Variants in CYP51A1 observed in about 807,000 individuals in gnomAD.
The protein encoded by CYP51A1 is cytochrome P450 family 51 subfamily A member 1, also known as lanosterol 14-alpha demethylase.
In CYP51A1, 45 loss-of-function variants were observed where a neutral mutation model predicts 53.5. The observed-to-expected ratio is 0.84, with a 90% confidence interval of 0.66 to 1.08. The LOEUF is 1.08. Ranked by LOEUF, CYP51A1 falls within the 50% of genes least tolerant of loss-of-function variation. CYP51A1 has a pLI of 0.00. For missense variants in CYP51A1, 462 were observed against 621.7 expected, an observed-to-expected ratio of 0.74 and a Z score of 2.73; for synonymous variants, 181 against 217.7, an observed-to-expected ratio of 0.83 and a Z score of 1.48.
At chr7:92,121,709 T>C (rs1340217421) in intron 7 of CYP51A1, among the ~76,000 whole-genome samples, 1 of 152,084 alleles carries the variant, frequency 6.6e-6, no homozygotes, top group Non-Finnish European at 1.5e-5. Context: ...TGAAACAAGG[T>C]AGTCACAAAA....
chr7:92,133,005 C>T (rs548705059), intron 1 of CYP51A1, among the ~76,000 whole-genome samples: 1 of 152,170 alleles, frequency 6.6e-6, no homozygotes, highest in South Asian at 2.1e-4. Context: ...TTTGTCTTCC[C>T]AGAGACAAAT....
At chr7:92,132,348 A>C (rs914679057) in intron 1 of CYP51A1, among the ~76,000 whole-genome samples, 1 of 152,240 alleles carries the variant, frequency 6.6e-6, no homozygotes, top group Non-Finnish European at 1.5e-5. Context: ...ACCTATGCAC[A>C]TCCTCTCATA....
chr7:92,120,375 G>A (rs1409340922), intron 7 of CYP51A1, among the ~76,000 whole-genome samples: 3 of 152,190 alleles, frequency 2.0e-5, no homozygotes, highest in Non-Finnish European at 4.4e-5. Context: ...CTACGTAATG[G>A]CATCAGACTA....
At chr7:92,134,515 C>A (rs538919838), upstream of CYP51A1, 5 of 747,012 alleles carry the variant, frequency 6.7e-6, no homozygotes, top group African/African-American at 3.6e-5. Context: ...CGCGCGCCAC[C>A]CCGTGCGTCA....
intron 5 of CYP51A1, among the ~76,000 whole-genome samples, chr7:92,124,935 AG>A (rs1819765513): frequency 6.6e-6 from 1 of 152,100 alleles, no homozygotes; most frequent in African/African-American, 2.4e-5. Flanking sequence ...CAAGGTCGGG[AG>A]ATCAAGACCA....
intron 1 of CYP51A1, among the ~76,000 whole-genome samples, 175 bp downstream of exon 1, chr7:92,133,998 G>A (rs1429812988): frequency 2.0e-5 from 3 of 151,626 alleles, no homozygotes; most frequent in Non-Finnish European, 2.9e-5. Context: ...CGCCGCCGCA[G>A]CCACTACTCC....
chr7:92,134,109 G>A, intron 1 of CYP51A1, 64 bp downstream of exon 1: 1 of 1,529,122 alleles, frequency 6.5e-7, no homozygotes, highest in Non-Finnish European at 9.0e-7. Flanking sequence ...AGCCGCCCAC[G>A]CCAGCCCTTC....
At chr7:92,134,531 T>C (rs1200650236), upstream of CYP51A1, 2 of 655,548 alleles carry the variant, frequency 3.1e-6, no homozygotes, top group South Asian at 2.0e-5. Context: ...CGTCACAGAA[T>C]GGGGCGGGAT....
chr7:92,117,248 TAAA>T, intron 8 of CYP51A1, 36 bp from the exon 9 acceptor site: 2 of 1,572,456 alleles, frequency 1.3e-6, no homozygotes, highest in East Asian at 4.5e-5. Flanking sequence ...TTAGAGAATT[TAAA>T]AATGTGCTGA....
intron 3 of CYP51A1, among the ~76,000 whole-genome samples, chr7:92,128,486 TTTTG>T (rs1232590181): frequency 1.4e-5 from 2 of 143,556 alleles, no homozygotes; most frequent in Admixed American, 6.8e-5. Context: ...GTGTTTGGTT[TTTTG>T]TTTCTGTTTT....
At chr7:92,125,012 C>A (rs962208311) in intron 5 of CYP51A1, among the ~76,000 whole-genome samples, 2 of 151,902 alleles carry the variant, frequency 1.3e-5, no homozygotes, top group Non-Finnish European at 2.9e-5. Flanking sequence ...GGCTTGGTGG[C>A]GGGTGCCTGT....
At chr7:92,128,825 G>T in intron 3 of CYP51A1, 55 bp downstream of exon 3, 1 of 1,398,918 alleles carries the variant, frequency 7.1e-7, no homozygotes, top group Non-Finnish European at 9.9e-7. Flanking sequence ...CTCACTATTA[G>T]CTATAACTAC....
intron 1 of CYP51A1, among the ~76,000 whole-genome samples, chr7:92,132,331 G>A (rs1280300075): frequency 6.6e-6 from 1 of 152,156 alleles, no homozygotes; most frequent in Admixed American, 6.5e-5. Flanking sequence ...CAAAGTATTT[G>A]CGTATAACCT....
intron 6 of CYP51A1, 120 bp downstream of exon 6, chr7:92,123,614 G>A: frequency 1.0e-6 from 1 of 972,074 alleles, no homozygotes; most frequent in Non-Finnish European, 1.5e-6. Flanking sequence ...AGAGTCCAAA[G>A]ATCACAGCTA....
chr7:92,128,428 C>CTCTGTGTGTGTGTGTGTG lies in CYP51A1; in HGVS notation c.468+451_468+452insCACACACACACACACAGA, dbSNP rs112952169. Among the ~76,000 whole-genome samples the CTCTGTGTGTGTGTGTGTG allele has an allele frequency of 7.5e-3, 1,080 of 143,092 alleles. 32 individuals carry two copies. Among genetic ancestry groups the CTCTGTGTGTGTGTGTGTG allele is most frequent in the African/African-American group, 0.026 (997 of 38,636 alleles). 93.9% of individuals were successfully genotyped at this position (143,092 alleles called of 152,430 possible). On this transcript the variant is annotated intron_variant, in intron 3 of 9. Transcript: ENST00000003100. ...TATTACATTTTTGTTTGGTTGGTTT[C>CTCTGTGTGTGTGTGTGTG]TGTGTGTGTGTGTGTGTGTGTGTGT...
Position 92,133,417 on chromosome 7 carries a change from G to A in CYP51A1, c.192+756C>T, listed in dbSNP as rs368037202. On this transcript the variant is annotated intron_variant, in intron 1 of 9. Coordinates refer to ENST00000003100, the MANE Select transcript of CYP51A1 (RefSeq NM_000786.4). ...CTACAGGCGTGTGCCACCACATCCA[G>A]CTAATTTTTGTTTTGTTTTGTTGTA... Among the ~76,000 whole-genome samples, 4 of 152,228 alleles carry A rather than the reference G, an allele frequency of 2.6e-5. 1 individual carries two copies.
intron 9 of CYP51A1, among the ~76,000 whole-genome samples, chr7:92,115,126 AAATG>A (rs1322587399): frequency 2.0e-5 from 3 of 152,236 alleles, no homozygotes; most frequent in Non-Finnish European, 2.9e-5. Flanking sequence ...AATATTATGA[AAATG>A]AATGAACTAT....
rs149112643 is a variant in CYP51A1, at chr7:92,131,802, A to G, written c.263T>C (p.Ile88Thr). The stretch of plus-strand genomic sequence containing the variant: ...CTCATATGCATTTTCTAGAAATTCA[A>G]TTGGACTTTTCCCAAATGCTATGGC... ...GHAIAFGKSP[I>T]EFLENAYEKY... is the part of the protein sequence containing the mutation. Residue 88 changes from isoleucine to threonine, a missense_variant, in exon 2 of 10, where the codon ATT becomes ACT. Ile to Thr is a moderately conservative substitution (Grantham distance 89). Coordinates refer to ENST00000003100, the MANE Select transcript of CYP51A1 (RefSeq NM_000786.4). 201 of 1,581,136 alleles carry G rather than the reference A, an allele frequency of 1.3e-4. No homozygotes were observed. Among genetic ancestry groups the G allele is most frequent in the Admixed American group, 2.6e-4 (15 of 58,128 alleles).
intron 7 of CYP51A1, among the ~76,000 whole-genome samples, chr7:92,120,245 A>G (rs533030115): frequency 6.6e-6 from 1 of 152,336 alleles, no homozygotes; most frequent in South Asian, 2.1e-4. Context: ...TTCTTTGCAG[A>G]AACTGACACA....
Sources: allele counts gnomAD v4.1 joint callset (sites outside exome capture counted in the v4.1 genomes callset), GRCh38; gene constraint gnomAD v4.1.1; transcripts MANE v1.5; gene names NCBI Gene and HGNC (gene_info 2026-07-23, HGNC 2026-07-21).